The following TRAPPC9 variants were observed in gnomAD, a reference collection of about 807,000 sequenced individuals.
TRAPPC9 encodes the protein trafficking protein particle complex subunit 9.
A neutral mutation model predicts 124.0 loss-of-function variants in TRAPPC9; 83 were observed. The observed-to-expected ratio is 0.67, with a 90% CI of 0.56 to 0.80. The LOEUF (loss-of-function observed/expected upper bound fraction) is 0.80. TRAPPC9 is among the 30% of genes least tolerant of loss of function. The probability of loss-of-function intolerance (pLI) is 0.00; values close to 1 mark genes in which losing one functional copy is unlikely to be tolerated. For synonymous variants in TRAPPC9, 638 were observed against 617.5 expected (o/e 1.03, Z -0.49); for missense variants, 1,302 against 1,508.3 (o/e 0.86, Z 2.27).
chr8:140,052,104 G>A (rs1340054097), intron 17 of TRAPPC9, among the ~76,000 whole-genome samples: 5 of 151,930 alleles, frequency 3.3e-5, no homozygotes, highest in Non-Finnish European at 7.4e-5. Context: ...ACAAGGCATG[G>A]CAAAGAGGGG....
At chr8:139,824,231 C>A (rs1031204290) in intron 21 of TRAPPC9, among the ~76,000 whole-genome samples, 18 of 152,158 alleles carry the variant, frequency 1.2e-4, no homozygotes, top group African/African-American at 3.4e-4. Flanking sequence ...GTACAGATCA[C>A]GTAATTTCGG....
chr8:139,856,746 A>C (rs1322827500), intron 21 of TRAPPC9, among the ~76,000 whole-genome samples: 67 of 152,198 alleles, frequency 4.4e-4, no homozygotes, highest in Admixed American at 1.2e-3. Context: ...AAAAAAAAAA[A>C]AAAACCCAAG....
At chr8:140,395,951 T>C (rs1216191441) in intron 7 of TRAPPC9, among the ~76,000 whole-genome samples, 1 of 151,978 alleles carries the variant, frequency 6.6e-6, no homozygotes, top group Non-Finnish European at 1.5e-5. Context: ...CGCTGACCCT[T>C]TCCACGTAGA....
intron 19 of TRAPPC9, among the ~76,000 whole-genome samples, chr8:139,959,581 A>G (rs962355): frequency 0.88 from 133,305 of 152,168 alleles, 58,560 homozygotes; most frequent in East Asian, 0.98. Flanking sequence ...CCCACCACCA[A>G]CACCCCTCCC....
intron 21 of TRAPPC9, among the ~76,000 whole-genome samples, chr8:139,827,160 G>A (rs1825695277): frequency 6.6e-6 from 1 of 152,212 alleles, no homozygotes; most frequent in Admixed American, 6.5e-5. Flanking sequence ...GCAGAATGGT[G>A]AGCTAGAGCC....
At chr8:140,238,610 C>G (rs897940818) in intron 16 of TRAPPC9, 12 of 152,204 alleles carry the variant, frequency 7.9e-5, no homozygotes, top group African/African-American at 2.9e-4. Flanking sequence ...GGATAACCCA[C>G]CGAACACAAA....
At chr8:140,333,341 CTAGATATAGATATAGATG>C (rs1460681443) in intron 9 of TRAPPC9, among the ~76,000 whole-genome samples, 1 of 152,046 alleles carries the variant, frequency 6.6e-6, no homozygotes, top group African/African-American at 2.4e-5. Context: ...ATGTAGATAG[CTAGATATAGATATAGATG>C]TAGATATAGA....
At position 140,333,051 on chromosome 8, in the gene TRAPPC9, G is replaced by A. The variant is rs79619608; in HGVS notation, c.1496-21677C>T. 3.0e-3 allele frequency among the ~76,000 whole-genome samples: 452 copies of A among 151,992 alleles called. 13 individuals carry two copies. The East Asian group carries it at 0.07, about 23-fold the overall frequency. ...TGAGGCAAGAGAATCACTTGAACCC[G>A]GGAGGCAGAGGTTGCAGTGAGCCGA... On this transcript the variant is annotated intron_variant, in intron 9 of 22. Coordinates refer to ENST00000438773, the MANE Select transcript of TRAPPC9 (RefSeq NM_001160372.4).
chr8:139,897,111 T>A (rs192452762), intron 20 of TRAPPC9, among the ~76,000 whole-genome samples: 1 of 152,158 alleles, frequency 6.6e-6, no homozygotes, highest in Non-Finnish European at 1.5e-5. Flanking sequence ...TGTTCTCATA[T>A]CTGGAGCTGC....
At chr8:139,957,335 C>T (rs371811498) in intron 19 of TRAPPC9, among the ~76,000 whole-genome samples, 2 of 152,328 alleles carry the variant, frequency 1.3e-5, no homozygotes, top group East Asian at 1.9e-4. Flanking sequence ...TGGGCGGCAC[C>T]TATCGGAGGG....
intron 17 of TRAPPC9, among the ~76,000 whole-genome samples, chr8:140,036,315 C>T (rs1840873496): frequency 6.6e-6 from 1 of 151,308 alleles, no homozygotes; most frequent in African/African-American, 2.4e-5. Flanking sequence ...GATGAAGTCA[C>T]TGCCAGGTGA....
chr8:140,354,742 G>T (rs567157856), intron 9 of TRAPPC9, among the ~76,000 whole-genome samples: 3 of 152,188 alleles, frequency 2.0e-5, no homozygotes, highest in Admixed American at 6.5e-5. Context: ...GAGCTCTTCA[G>T]CAAAAAAGAC....
intron 17 of TRAPPC9, among the ~76,000 whole-genome samples, chr8:140,044,650 T>C (rs1355107973): frequency 6.6e-6 from 1 of 152,204 alleles, no homozygotes; most frequent in Non-Finnish European, 1.5e-5. Flanking sequence ...ACGGACGGAA[T>C]ACATAAATGA....
At chr8:140,162,073 G>A (rs952703546) in intron 17 of TRAPPC9, among the ~76,000 whole-genome samples, 2 of 152,186 alleles carry the variant, frequency 1.3e-5, no homozygotes, top group African/African-American at 2.4e-5. Flanking sequence ...GAGCTGTGAC[G>A]CTATCTGTCT....
chr8:140,037,438 A>C (rs569878647), intron 17 of TRAPPC9, among the ~76,000 whole-genome samples: 5 of 152,200 alleles, frequency 3.3e-5, no homozygotes, highest in African/African-American at 1.2e-4. Flanking sequence ...TAAAGAAACA[A>C]ATTTCCACAT....
intron 21 of TRAPPC9, among the ~76,000 whole-genome samples, chr8:139,791,899 T>C (rs1224724012): frequency 1.3e-5 from 2 of 152,036 alleles, no homozygotes; most frequent in Non-Finnish European, 2.9e-5. Flanking sequence ...GCAGCGCGCG[T>C]GGGGTGGGGG....
intron 9 of TRAPPC9, among the ~76,000 whole-genome samples, chr8:140,349,457 CA>C (rs2067474126): frequency 7.3e-6 from 1 of 136,156 alleles, no homozygotes; most frequent in East Asian, 2.3e-4. Flanking sequence ...GAAGGGCACA[CA>C]GGGGGGCCGA....
intron 17 of TRAPPC9, among the ~76,000 whole-genome samples, chr8:140,083,678 GTT>G (rs140420228): frequency 0.66 from 100,334 of 151,552 alleles, 33,262 homozygotes; most frequent in Middle Eastern, 0.78. Flanking sequence ...TTTTGTTTTT[GTT>G]TTTTGAGATG....
chr8:139,844,226 A>T (rs1826921084), intron 21 of TRAPPC9, among the ~76,000 whole-genome samples: 1 of 152,232 alleles, frequency 6.6e-6, no homozygotes, highest in Non-Finnish European at 1.5e-5. Context: ...CCCTGCTGGT[A>T]CAGCGCCTCC....
Sources: gnomAD v4.1 joint callset for allele counts (sites outside exome capture counted in the v4.1 genomes callset) on GRCh38, gnomAD v4.1.1 for gene constraint, MANE v1.5 for transcripts, NCBI Gene and HGNC (gene_info 2026-07-23, HGNC 2026-07-21) for gene names.